ITGA6: variants seen among roughly 807,000 people sequenced by gnomAD.
The protein encoded by ITGA6 is integrin subunit alpha 6.
In ITGA6, 63 loss-of-function variants were observed where a neutral mutation model predicts 133.6. The ratio of observed to expected loss-of-function variants is 0.47; its 90% CI spans 0.38 to 0.58. ITGA6 has a LOEUF of 0.58. ITGA6 is among the 20% of genes least tolerant of loss of function. The pLI is 0.00. For missense variants in ITGA6, 1,068 were observed against 1,309.4 expected (o/e 0.82, Z 2.85); for synonymous variants, 434 against 482.0 (o/e 0.90, Z 1.30).
chr2:172,472,745 A>G, intron 5 of ITGA6: 1 of 1,422,552 alleles, frequency 7.0e-7, no homozygotes, highest in Non-Finnish European at 9.9e-7. Context: ...CTTTTTCTTC[A>G]ATTTCTTCCG....
chr2:172,500,339 G>A lies in ITGA6; in HGVS notation c.3115-1433G>A, dbSNP rs182780213. On this transcript the variant is annotated intron_variant, in intron 24 of 25. Transcript: ENST00000684293. Reference sequence around the variant, plus strand: ...ATATTAAGAATGTTGCTGGCTGGGCGCGGTGGCTCCTGCCTGTAATCCCAG... The same window carrying A: ...ATATTAAGAATGTTGCTGGCTGGGCACGGTGGCTCCTGCCTGTAATCCCAG... 9.1e-4 allele frequency among the ~76,000 whole-genome samples: 138 copies of A among 152,214 alleles called. 1 individual carries two copies. The highest frequency in any genetic ancestry group is 2.8e-3 in the African/African-American group (116 of 41,530).
chr2:172,487,524 C>T, intron 15 of ITGA6, 23 bp from the exon 16 acceptor site: 1 of 1,612,528 alleles, frequency 6.2e-7, no homozygotes, highest in Non-Finnish European at 8.5e-7. Context: ...TGGATTGTGA[C>T]CTAGCGTGTG....
intron 1 of ITGA6, among the ~76,000 whole-genome samples, chr2:172,455,839 A>G (rs1010406689): frequency 1.3e-5 from 2 of 152,216 alleles, no homozygotes; most frequent in Admixed American, 6.5e-5. Flanking sequence ...ACACACCAAC[A>G]TGCATATAGG....
In ITGA6 at chr2:172,498,043, A is replaced by G; in HGVS notation, c.3057A>G (p.Leu1019=). The G allele has an allele frequency of 6.2e-7, 1 of 1,613,610 alleles. No homozygotes were observed. Among genetic ancestry groups the G allele is most frequent in the Non-Finnish European group, 8.5e-7 (1 of 1,179,586 alleles). The part of the protein sequence containing the change: ...QYSGVPWWII[L]VAILAGILML... ...CGGGAGTACCTTGGTGGATCATCCT[A>G]GTGGCTATTCTCGCTGGGATCTTGA... is the stretch of plus-strand genomic sequence containing the variant. The change falls in exon 24 of 26, where the codon CTA becomes CTG. Residue 1019 remains leucine (L), a synonymous_variant. Coordinates refer to ENST00000684293, the MANE Select transcript of ITGA6 (RefSeq NM_000210.4).
At chr2:172,465,851 G>A in intron 2 of ITGA6, 188 bp downstream of exon 2, 3 of 833,176 alleles carry the variant, frequency 3.6e-6, no homozygotes, top group South Asian at 1.6e-5. Context: ...CTGGGATGCC[G>A]CGTGTTTTGC....
chr2:172,488,044 T>C lies in ITGA6; in HGVS notation c.2402+6T>C. Reference sequence around the variant, plus strand: ...CTGCTTTTATCGGTCTCGGGGTAAGTGTTTGTGTTTAGCATAACAAATCAA... The same window carrying C: ...CTGCTTTTATCGGTCTCGGGGTAAGCGTTTGTGTTTAGCATAACAAATCAA... On this transcript the variant is annotated splice_donor_region_variant and intron_variant, in intron 18 of 25. Coordinates refer to ENST00000684293, the MANE Select transcript of ITGA6 (RefSeq NM_000210.4). 1 of 1,613,684 alleles carries C rather than the reference T, an allele frequency of 6.2e-7. No homozygotes were observed. The highest frequency in any genetic ancestry group is 2.2e-5 in the East Asian group (1 of 44,864).
At chr2:172,457,765 A>T (rs918859178) in intron 1 of ITGA6, among the ~76,000 whole-genome samples, 2 of 152,182 alleles carry the variant, frequency 1.3e-5, no homozygotes, top group African/African-American at 4.8e-5. Flanking sequence ...CTGGGGGGGA[A>T]GCTAGGCTGG....
At position 172,465,676 on chromosome 2, in the gene ITGA6, C is replaced by G. The variant is rs1356362163; in HGVS notation, c.307+13C>G. ...TTTGATAACGATGGTGCGTTCCTTT[C>G]CCTCACTCAGCGTTCACTCCGGCAG... On this transcript the variant is annotated intron_variant, in intron 2 of 25. Coordinates refer to ENST00000684293, the MANE Select transcript of ITGA6 (RefSeq NM_000210.4). 1 of 1,614,112 alleles carries G rather than the reference C, an allele frequency of 6.2e-7. No individual in the cohort carries two copies. Among genetic ancestry groups the G allele is most frequent in the South Asian group, 1.1e-5 (1 of 91,086 alleles).
chr2:172,459,493 G>T (rs1350835386), intron 1 of ITGA6, among the ~76,000 whole-genome samples: 1 of 151,878 alleles, frequency 6.6e-6, no homozygotes, highest in African/African-American at 2.4e-5. Context: ...AACAGAGAGA[G>T]ACTGTCTCAA....
Position 172,491,666 on chromosome 2 carries a change from T to C in ITGA6, c.2988+143T>C, listed in dbSNP as rs191690974. ...GAAAACTGTCTTAAGGTACTGGCAC[T>C]GCAAGCTGTATTTTAATAGAATCAT... is the stretch of plus-strand genomic sequence containing the variant. On this transcript the variant is annotated intron_variant, in intron 23 of 25. Transcript: ENST00000684293. The surrounding 1 kb of genome is among the most constrained non-coding windows in gnomAD (Gnocchi z 4.4). 1.3e-5 allele frequency: 9 copies of C among 697,226 alleles called. No homozygotes were observed. In the African/African-American group the frequency reaches 1.4e-4, roughly 11 times the overall value. The allele number at this position is 697,226 out of a possible 1,614,324, so 43.2% of individuals were successfully genotyped here. A position where few individuals can be genotyped will look rare whatever the true frequency, so the allele number is the denominator to read the frequency against.
chr2:172,464,066 G>A (rs1321314935), intron 1 of ITGA6, among the ~76,000 whole-genome samples: 1 of 152,150 alleles, frequency 6.6e-6, no homozygotes, highest in African/African-American at 2.4e-5. Flanking sequence ...AATGTAGGGT[G>A]GGTTTGGAGG....
chr2:172,458,506 A>C (rs770565076), intron 1 of ITGA6, among the ~76,000 whole-genome samples: 1 of 152,194 alleles, frequency 6.6e-6, no homozygotes, highest in Non-Finnish European at 1.5e-5. Context: ...TGGGACCCCA[A>C]GAATTAAGCT....
chr2:172,503,952 T>C, intron 25 of ITGA6, 139 bp from the exon 26 acceptor site: 1 of 577,472 alleles, frequency 1.7e-6, no homozygotes, highest in South Asian at 4.9e-5. Flanking sequence ...TCTTGGTTCT[T>C]TCTTAAAAGA....
chr2:172,471,664 A>T (rs1685943267), intron 5 of ITGA6, among the ~76,000 whole-genome samples: 1 of 152,196 alleles, frequency 6.6e-6, no homozygotes. Flanking sequence ...GTTGAGCAGG[A>T]CTGCTAAAAC....
chr2:172,484,645 C>A, intron 11 of ITGA6, 137 bp from the exon 12 acceptor site: 1 of 739,354 alleles, frequency 1.4e-6, no homozygotes, highest in Non-Finnish European at 2.3e-6. Context: ...TGTGCAAATG[C>A]ATATTACCAG....
intron 1 of ITGA6, among the ~76,000 whole-genome samples, chr2:172,459,726 T>G (rs1449512522): frequency 6.6e-6 from 1 of 152,196 alleles, no homozygotes; most frequent in African/African-American, 2.4e-5. Flanking sequence ...AGGACAGTAT[T>G]TAAGAAAGTA....
chr2:172,487,918 T>C (rs1407293922), intron 17 of ITGA6, 43 bp from the exon 18 acceptor site: 2 of 1,575,790 alleles, frequency 1.3e-6, no homozygotes, highest in Non-Finnish European at 1.7e-6. Context: ...GTGAGAAAAC[T>C]GACTGGTAAA....
At chr2:172,498,122 A>G (rs1331022471) in intron 24 of ITGA6, 22 bp downstream of exon 24, 1 of 1,608,146 alleles carries the variant, frequency 6.2e-7, no homozygotes, top group Non-Finnish European at 8.5e-7. Context: ...CTGGCATTTG[A>G]ATTTCATAAC....
In ITGA6 at chr2:172,471,003, A is replaced by G; in HGVS notation, c.673A>G (p.Thr225Ala). Residue 225 changes from threonine (T) to alanine (A), a missense_variant, in exon 5 of 26, where the codon ACT becomes GCT. This residue lies in a region of ITGA6 where 317 missense variants were observed against 456.9 expected (regional missense o/e 0.69). Coordinates refer to ENST00000684293, the MANE Select transcript of ITGA6 (RefSeq NM_000210.4). ...GIVRVEQKNN[T>A]FFDMNIFEDG... is the part of the protein sequence containing the mutation. ...TGTTCGTGTAGAGCAAAAGAATAAC[A>G]CTTTTTTTGACATGAACATCTTTGA... The G allele has an allele frequency of 6.2e-7, 1 of 1,613,892 alleles. No homozygotes were observed. Among genetic ancestry groups the G allele is most frequent in the South Asian group, 1.1e-5 (1 of 91,058 alleles).
Sources: allele counts gnomAD v4.1 joint callset (sites outside exome capture counted in the v4.1 genomes callset), GRCh38; gene constraint gnomAD v4.1.1; regional missense constraint gnomAD v4.1.1; non-coding constraint Gnocchi (gnomAD v3.1); transcripts MANE v1.5; gene names NCBI Gene and HGNC (gene_info 2026-07-23, HGNC 2026-07-21).